TBL1XR1: variants seen among roughly 807,000 people sequenced by gnomAD.
TBL1XR1 encodes F-box-like/WD repeat-containing protein TBL1XR1.
A neutral mutation model predicts 66.9 loss-of-function variants in TBL1XR1; 5 were observed. The observed-to-expected ratio is 0.07, with a 90% CI of 0.04 to 0.16. TBL1XR1 has a LOEUF of 0.16. TBL1XR1 is among the 10% of genes least tolerant of loss of function. The probability of loss-of-function intolerance (pLI) is 1.00; values close to 1 mark genes in which losing one functional copy is unlikely to be tolerated. For missense variants in TBL1XR1, 238 were observed against 623.2 expected (o/e 0.38, Z 6.58); for synonymous variants, 210 against 206.0 (o/e 1.02, Z -0.17).
At chr3:177,165,601 T>C (rs887396715) in intron 1 of TBL1XR1, among the ~76,000 whole-genome samples, 1 of 152,180 alleles carries the variant, frequency 6.6e-6, no homozygotes, top group African/African-American at 2.4e-5. Flanking sequence ...AATATGGTAT[T>C]AGTGAAAGAA....
intron 1 of TBL1XR1, among the ~76,000 whole-genome samples, chr3:177,182,995 G>A (rs995137654): frequency 6.6e-6 from 1 of 152,064 alleles, no homozygotes; most frequent in Admixed American, 6.6e-5. Flanking sequence ...TTACATTTAA[G>A]AGCAATCAAA....
intron 7 of TBL1XR1, among the ~76,000 whole-genome samples, chr3:177,048,258 T>C (rs1716587649): frequency 6.6e-6 from 1 of 152,200 alleles, no homozygotes; most frequent in Non-Finnish European, 1.5e-5. Context: ...CTTGCCTCGA[T>C]GAATTGTGTA....
chr3:177,071,699 A>G (rs1307562003), intron 2 of TBL1XR1, among the ~76,000 whole-genome samples: 3 of 152,220 alleles, frequency 2.0e-5, no homozygotes, highest in Non-Finnish European at 4.4e-5. Flanking sequence ...TTTAGTACTC[A>G]GCTAATAGAT....
In TBL1XR1 at chr3:177,050,078, T is replaced by C. The variant is rs780450800; in HGVS notation, c.621A>G (p.Thr207=). Residue 207 remains threonine (T), a synonymous_variant, in exon 7 of 16, where the codon ACA becomes ACG. Transcript: ENST00000457928. ...GTATACAATGTCTAAGTACTAACTG[T>C]GTAGAGCCACTGGTGCTGTTCTCAC... ...NLSENSTSGS[T]QLVLRHCIRE... is the part of the protein sequence containing the mutation. The C allele has an allele frequency of 2.5e-6, 4 of 1,613,808 alleles. No individual in the cohort carries two copies. The highest frequency in any genetic ancestry group is 2.2e-5 in the South Asian group (2 of 91,076).
At chr3:177,144,110 T>TG (rs1473996305) in intron 1 of TBL1XR1, among the ~76,000 whole-genome samples, 1 of 152,034 alleles carries the variant, frequency 6.6e-6, no homozygotes, top group Non-Finnish European at 1.5e-5. Context: ...CTGGGCATGG[T>TG]GCTATATGCC....
intron 1 of TBL1XR1, among the ~76,000 whole-genome samples, chr3:177,155,983 T>G (rs1473026716): frequency 6.6e-6 from 1 of 151,790 alleles, no homozygotes; most frequent in Non-Finnish European, 1.5e-5. Flanking sequence ...CACTCCAGCC[T>G]GGGCAACAAG....
intron 1 of TBL1XR1, among the ~76,000 whole-genome samples, chr3:177,178,785 T>C (rs1417464079): frequency 2.6e-5 from 4 of 152,074 alleles, no homozygotes; most frequent in Non-Finnish European, 5.9e-5. Context: ...GTATAAATAT[T>C]CTTCACCCAT....
intron 14 of TBL1XR1, 94 bp downstream of exon 14, chr3:177,032,877 G>A (rs927961805): frequency 9.7e-7 from 1 of 1,033,610 alleles, no homozygotes; most frequent in Non-Finnish European, 1.3e-6. Flanking sequence ...AATGCCACAA[G>A]AGGAATGACA....
At chr3:177,063,261 G>A (rs1272439134) in intron 3 of TBL1XR1, among the ~76,000 whole-genome samples, 1 of 152,040 alleles carries the variant, frequency 6.6e-6, no homozygotes, top group Non-Finnish European at 1.5e-5. Flanking sequence ...CTTTTGTTTA[G>A]AAAAAGAAAA....
intron 15 of TBL1XR1, among the ~76,000 whole-genome samples, 181 bp downstream of exon 15, chr3:177,026,192 T>C (rs1016234518): frequency 3.3e-5 from 5 of 152,152 alleles, no homozygotes; most frequent in African/African-American, 9.7e-5. Flanking sequence ...ACAGCCTAAA[T>C]TTTGTTTACA....
At chr3:177,186,052 T>C (rs568895404) in intron 1 of TBL1XR1, among the ~76,000 whole-genome samples, 103 of 152,148 alleles carry the variant, frequency 6.8e-4, no homozygotes, top group Non-Finnish European at 1.4e-3. Flanking sequence ...AAGGAACACT[T>C]CACATCTCTC....
At position 177,050,142 on chromosome 3, in the gene TBL1XR1, TA is replaced by T. The variant is rs1287653265; in HGVS notation, c.561-5del. Reference sequence around the variant, plus strand: ...TCTTGCTGTTGAGTCTCCAGACCTATAAAAGTATGCAATATATTTTAGATCC... The same window carrying T: ...TCTTGCTGTTGAGTCTCCAGACCTATAAAGTATGCAATATATTTTAGATCC... On this transcript the variant is annotated splice_region_variant and splice_polypyrimidine_tract_variant and intron_variant, in intron 6 of 15. Transcript: ENST00000457928. 2 of 1,612,844 alleles carry T rather than the reference TA, an allele frequency of 1.2e-6. No homozygotes were observed. Among genetic ancestry groups the T allele is most frequent in the South Asian group, 2.2e-5 (2 of 91,020 alleles).
At chr3:177,100,868 TTTTC>T (rs1178271152) in intron 1 of TBL1XR1, among the ~76,000 whole-genome samples, 2 of 134,732 alleles carry the variant, frequency 1.5e-5, no homozygotes, top group Non-Finnish European at 3.3e-5. Flanking sequence ...TTGGTTTTTT[TTTTC>T]TTTGAGACGG....
intron 1 of TBL1XR1, among the ~76,000 whole-genome samples, chr3:177,172,335 A>G (rs1290992268): frequency 6.6e-6 from 1 of 152,010 alleles, no homozygotes; most frequent in Non-Finnish European, 1.5e-5. Flanking sequence ...CACTGACATA[A>G]GTCATGGAAT....
At chr3:177,119,949 C>T (rs1279117283) in intron 1 of TBL1XR1, among the ~76,000 whole-genome samples, 1 of 152,148 alleles carries the variant, frequency 6.6e-6, no homozygotes, top group African/African-American at 2.4e-5. Context: ...AACAGAAAGC[C>T]CTTGGGGACT....
At chr3:177,109,009 A>G (rs1223708091) in intron 1 of TBL1XR1, among the ~76,000 whole-genome samples, 1 of 152,204 alleles carries the variant, frequency 6.6e-6, no homozygotes, top group Non-Finnish European at 1.5e-5. Context: ...ATATCTGGAT[A>G]CCAAAAATCA....
intron 1 of TBL1XR1, among the ~76,000 whole-genome samples, chr3:177,196,134 AG>A (rs1393912453): frequency 1.3e-5 from 2 of 152,226 alleles, no homozygotes; most frequent in Admixed American, 6.5e-5. Flanking sequence ...CAGCAAATTA[AG>A]AACTTCCAAA....
intron 3 of TBL1XR1, among the ~76,000 whole-genome samples, chr3:177,058,658 A>AT (rs1718116647): frequency 6.6e-6 from 1 of 152,126 alleles, no homozygotes; most frequent in South Asian, 2.1e-4. Flanking sequence ...GCTGAAGGGG[A>AT]TATAAGCATT....
intron 1 of TBL1XR1, among the ~76,000 whole-genome samples, chr3:177,142,019 TAAG>T (rs1163090512): frequency 2.0e-5 from 3 of 151,916 alleles, no homozygotes; most frequent in Admixed American, 6.6e-5. Flanking sequence ...AGACAGAAAA[TAAG>T]AATAGTGATT....
Sources: gnomAD v4.1 joint callset for allele counts (sites outside exome capture counted in the v4.1 genomes callset) on GRCh38, gnomAD v4.1.1 for gene constraint, MANE v1.5 for transcripts, NCBI Gene and HGNC (gene_info 2026-07-23, HGNC 2026-07-21) for gene names.